DHDDS: variants seen among roughly 807,000 people sequenced by gnomAD.
The protein encoded by DHDDS is dehydrodolichyl diphosphate synthase complex subunit DHDDS.
DHDDS carries 16 observed loss-of-function variants against 46.2 expected under a neutral mutation model. The ratio of observed to expected loss-of-function variants is 0.35; its 90% CI spans 0.23 to 0.53. DHDDS has a LOEUF of 0.53. Ranked by LOEUF, DHDDS falls within the 20% of genes least tolerant of loss-of-function variation. The probability of loss-of-function intolerance (pLI) is 0.94; values close to 1 mark genes in which losing one functional copy is unlikely to be tolerated. For missense variants in DHDDS, 340 were observed against 423.7 expected (o/e 0.80, Z 1.73); for synonymous variants, 151 against 163.1 (o/e 0.93, Z 0.56).
intron 2 of DHDDS, among the ~76,000 whole-genome samples, chr1:26,436,919 C>T (rs2075163993): frequency 6.6e-6 from 1 of 151,962 alleles, no homozygotes; most frequent in African/African-American, 2.4e-5. Flanking sequence ...GCCTGTAATC[C>T]CAGCACTCTG....
chr1:26,446,899 T>G (rs961161907), intron 5 of DHDDS, among the ~76,000 whole-genome samples: 3 of 152,218 alleles, frequency 2.0e-5, no homozygotes, highest in African/African-American at 7.2e-5. Flanking sequence ...TGTGTAGCTT[T>G]GAAATATAAC....
In DHDDS at chr1:26,446,552, T is replaced by C. The variant is rs75210044; in HGVS notation, c.440+120T>C. The C allele has an allele frequency of 7.5e-3, 6,662 of 887,328 alleles. 280 individuals carry two copies. The East Asian group carries it at 0.09, about 12-fold the overall frequency. 55.0% of individuals were successfully genotyped at this position (887,328 alleles called of 1,614,324 possible). On this transcript the variant is annotated intron_variant, in intron 5 of 8. Transcript: ENST00000236342. ...GTGCAAGGGGCAATGAGAGAGTAGGTTGAGCAGCTTAGAGACTTTCTCCGT... is the reference window on the plus strand; with the variant it reads ...GTGCAAGGGGCAATGAGAGAGTAGGCTGAGCAGCTTAGAGACTTTCTCCGT...
intron 3 of DHDDS, 23 bp from the exon 4 acceptor site, chr1:26,442,708 C>T (rs780082966): frequency 1.2e-6 from 2 of 1,613,966 alleles, no homozygotes; most frequent in Non-Finnish European, 1.7e-6. Flanking sequence ...TGTATCCTAG[C>T]TCCTTGCCTT....
chr1:26,457,810 C>T lies in DHDDS; in HGVS notation c.562C>T (p.Leu188Phe). ...LDPSDISESL[L>F]DKCLYTNRSP... The stretch of plus-strand genomic sequence containing the variant: ...TCTTAGTGATATCTCTGAGTCTCTG[C>T]TTGATAAGTGCCTCTATACCAACCG... The change falls in exon 7 of 9, where the codon CTT becomes TTT. Residue 188 changes from leucine (L) to phenylalanine (F), a missense_variant. This residue lies in a region of DHDDS where 268 missense variants were observed against 300.3 expected (regional missense o/e 0.89). Transcript: ENST00000236342. 6.2e-7 allele frequency: 1 copy of T among 1,613,572 alleles called. No homozygotes were observed. The highest frequency in any genetic ancestry group is 1.3e-5 in the African/African-American group (1 of 74,984).
At chr1:26,442,954 GCTTA>G (rs762915840) in intron 4 of DHDDS, 81 bp downstream of exon 4, 2 of 1,606,964 alleles carry the variant, frequency 1.2e-6, no homozygotes, top group Non-Finnish European at 1.7e-6. Context: ...GTTATCTGAG[GCTTA>G]CTTAAGGGAC....
intron 7 of DHDDS, 93 bp downstream of exon 7, chr1:26,457,998 C>G: frequency 9.3e-7 from 1 of 1,079,182 alleles, no homozygotes; most frequent in Admixed American, 1.8e-5. Context: ...CACTCCCAAA[C>G]AGGCTGGGGC....
At chr1:26,432,653 T>C (rs2075115612) in intron 1 of DHDDS, 1 of 467,356 alleles carries the variant, frequency 2.1e-6, no homozygotes, top group South Asian at 2.2e-5. Flanking sequence ...TCAGTGCAGA[T>C]ACGGAGGAAA....
intron 6 of DHDDS, among the ~76,000 whole-genome samples, chr1:26,453,024 C>G (rs1365104401): frequency 6.6e-6 from 1 of 151,706 alleles, no homozygotes; most frequent in African/African-American, 2.4e-5. Flanking sequence ...CCTAGCAGGT[C>G]GAGGCTGCAA....
chr1:26,460,288 C>A, intron 8 of DHDDS, 144 bp downstream of exon 8: 1 of 736,258 alleles, frequency 1.4e-6, no homozygotes, highest in Non-Finnish European at 2.4e-6. Context: ...TGAGTATCTA[C>A]TACTTGTCAG....
intron 6 of DHDDS, chr1:26,447,933 G>C: frequency 1.7e-6 from 1 of 592,588 alleles, no homozygotes; most frequent in South Asian, 2.1e-5. Context: ...AAGATTTAAG[G>C]GGATCTCCCA....
chr1:26,439,712 G>A (rs184863185), intron 3 of DHDDS, among the ~76,000 whole-genome samples: 20 of 152,336 alleles, frequency 1.3e-4, no homozygotes, highest in Non-Finnish European at 2.5e-4. Context: ...GCTAAAACTG[G>A]TGAAAGTCCC....
intron 8 of DHDDS, among the ~76,000 whole-genome samples, chr1:26,462,077 T>TTAGAA (rs1161149939): frequency 1.3e-5 from 2 of 148,650 alleles, no homozygotes; most frequent in African/African-American, 5.2e-5. Context: ...TTTTTTTTTT[T>TTAGAA]AGCAGGGTCT....
chr1:26,459,849 T>A (rs2075404865), intron 7 of DHDDS, among the ~76,000 whole-genome samples, 188 bp from the exon 8 acceptor site: 2 of 152,194 alleles, frequency 1.3e-5, no homozygotes, highest in African/African-American at 2.4e-5. Flanking sequence ...CTGCCTCAAG[T>A]GACGCCTCCC....
intron 8 of DHDDS, among the ~76,000 whole-genome samples, chr1:26,461,561 T>A (rs544441255): frequency 1.6e-4 from 24 of 152,128 alleles, no homozygotes; most frequent in Non-Finnish European, 1.2e-4. Context: ...AATTTTGTAT[T>A]TTTAATAGAG....
intron 8 of DHDDS, among the ~76,000 whole-genome samples, chr1:26,460,426 G>A (rs573546508): frequency 6.6e-6 from 1 of 152,330 alleles, no homozygotes; most frequent in Admixed American, 6.5e-5. Context: ...CACATAATCA[G>A]TAAGAGGTAG....
At chr1:26,450,826 G>A (rs2075312004) in intron 6 of DHDDS, among the ~76,000 whole-genome samples, 2 of 152,130 alleles carry the variant, frequency 1.3e-5, no homozygotes, top group Non-Finnish European at 2.9e-5. Context: ...TTCTTAGTTT[G>A]GAGGTACTTT....
intron 8 of DHDDS, 95 bp from the exon 9 acceptor site, chr1:26,468,800 G>GT: frequency 7.1e-7 from 1 of 1,404,496 alleles, no homozygotes. Flanking sequence ...ACTTCACTTG[G>GT]CCCACCCTGT....
chr1:26,447,871 G>A, intron 6 of DHDDS: 1 of 622,976 alleles, frequency 1.6e-6, no homozygotes, highest in South Asian at 1.9e-5. Context: ...AAACCATAAA[G>A]CCCCTCTGTG....
chr1:26,452,527 T>C (rs951403132), intron 6 of DHDDS, among the ~76,000 whole-genome samples: 1 of 152,238 alleles, frequency 6.6e-6, no homozygotes, highest in African/African-American at 2.4e-5. Context: ...ATAGTGTTAA[T>C]AGTAATTGCT....
Sources: allele counts gnomAD v4.1 joint callset (sites outside exome capture counted in the v4.1 genomes callset), GRCh38; gene constraint gnomAD v4.1.1; regional missense constraint gnomAD v4.1.1; transcripts MANE v1.5; gene names NCBI Gene and HGNC (gene_info 2026-07-23, HGNC 2026-07-21).